CYP19A1: variants seen among roughly 807,000 people sequenced by gnomAD.
CYP19A1 encodes the protein aromatase.
CYP19A1 carries 32 observed loss-of-function variants against 44.4 expected under a neutral mutation model. The ratio of observed to expected loss-of-function variants is 0.72; its 90% confidence interval spans 0.54 to 0.97. The LOEUF is 0.97. Among genes scored for constraint, CYP19A1 ranks in the 50% least tolerant of loss-of-function variants. The pLI is 0.00. For synonymous variants in CYP19A1, 212 were observed against 215.6 expected (o/e 0.98, Z 0.14); for missense variants, 598 against 637.8 (o/e 0.94, Z 0.67).
intron 1 of CYP19A1, among the ~76,000 whole-genome samples, chr15:51,299,013 A>G (rs951652812): frequency 6.6e-6 from 1 of 152,218 alleles, no homozygotes; most frequent in African/African-American, 2.4e-5. Flanking sequence ...CCCATGCTCC[A>G]TGAAGTTTTG....
intron 3 of CYP19A1, among the ~76,000 whole-genome samples, chr15:51,232,409 C>T (rs142096092): frequency 6.6e-6 from 1 of 152,184 alleles, no homozygotes; most frequent in East Asian, 1.9e-4. Context: ...TTTCTCTTCT[C>T]GGTCTAGCTG....
chr15:51,331,266 G>A (rs982124612), intron 1 of CYP19A1, among the ~76,000 whole-genome samples: 9 of 152,156 alleles, frequency 5.9e-5, no homozygotes, highest in Non-Finnish European at 1.3e-4. Context: ...CTGAACACCC[G>A]AGGCCTTCCT....
At chr15:51,233,510 G>T (rs2033180094) in intron 3 of CYP19A1, among the ~76,000 whole-genome samples, 1 of 152,198 alleles carries the variant, frequency 6.6e-6, no homozygotes, top group Non-Finnish European at 1.5e-5. Context: ...TTTAATGGAT[G>T]AAGAGCCAAT....
intron 1 of CYP19A1, chr15:51,337,907 G>C (rs1157207691): frequency 1.3e-5 from 2 of 152,450 alleles, no homozygotes; most frequent in African/African-American, 4.8e-5. Flanking sequence ...TGACAGTGGA[G>C]TCTGGTAGGA....
At chr15:51,305,724 C>A (rs2036203651) in intron 1 of CYP19A1, among the ~76,000 whole-genome samples, 1 of 152,040 alleles carries the variant, frequency 6.6e-6, no homozygotes, top group African/African-American at 2.4e-5. Context: ...CCACACTGGG[C>A]TAATTTTTGT....
intron 1 of CYP19A1, among the ~76,000 whole-genome samples, chr15:51,268,972 A>G (rs1423277672): frequency 6.6e-6 from 1 of 152,092 alleles, no homozygotes; most frequent in Non-Finnish European, 1.5e-5. Context: ...GTTGTTTTGA[A>G]TACTTTATCT....
At chr15:51,288,355 C>G (rs1309333834) in intron 1 of CYP19A1, among the ~76,000 whole-genome samples, 3 of 152,156 alleles carry the variant, frequency 2.0e-5, no homozygotes, top group East Asian at 1.9e-4. Flanking sequence ...CCGCCCACCC[C>G]CCATAGTCCA....
intron 1 of CYP19A1, among the ~76,000 whole-genome samples, chr15:51,251,214 T>C (rs546481879): frequency 6.6e-6 from 1 of 152,240 alleles, no homozygotes; most frequent in South Asian, 2.1e-4. Flanking sequence ...CACATGGAGT[T>C]GTGGGATTCC....
At chr15:51,250,559 TC>T (rs1468129536) in intron 1 of CYP19A1, among the ~76,000 whole-genome samples, 1 of 152,212 alleles carries the variant, frequency 6.6e-6, no homozygotes, top group Non-Finnish European at 1.5e-5. Flanking sequence ...GAGAAGTTTT[TC>T]TGAAACACAG....
At chr15:51,305,072 G>A (rs942712619) in intron 1 of CYP19A1, among the ~76,000 whole-genome samples, 1 of 151,662 alleles carries the variant, frequency 6.6e-6, no homozygotes, top group African/African-American at 2.4e-5. Context: ...GCTAATTTTT[G>A]TATTTTTAGT....
intron 1 of CYP19A1, among the ~76,000 whole-genome samples, chr15:51,305,832 G>A (rs1479771684): frequency 3.9e-5 from 6 of 152,018 alleles, no homozygotes; most frequent in Non-Finnish European, 7.4e-5. Flanking sequence ...AAGTGTTGGG[G>A]TTACAAGCAT....
At chr15:51,292,506 C>T (rs2035870474) in intron 1 of CYP19A1, among the ~76,000 whole-genome samples, 1 of 152,250 alleles carries the variant, frequency 6.6e-6, no homozygotes, top group Admixed American at 6.5e-5. Context: ...TTTTCGCAAA[C>T]TGGCAATCAT....
chr15:51,337,475 G>T (rs2036795378), intron 1 of CYP19A1, among the ~76,000 whole-genome samples: 1 of 152,172 alleles, frequency 6.6e-6, no homozygotes, highest in Non-Finnish European at 1.5e-5. Context: ...TCTCTTTAAA[G>T]AACTTGAGTA....
At chr15:51,277,098 T>C (rs1480060580) in intron 1 of CYP19A1, 1 of 152,204 alleles carries the variant, frequency 6.6e-6, no homozygotes, top group Non-Finnish European at 1.5e-5. Context: ...CAAGCAGTTC[T>C]TATAAAAAAT....
At chr15:51,304,891 T>A (rs535411395) in intron 1 of CYP19A1, among the ~76,000 whole-genome samples, 4,374 of 108,274 alleles carry the variant, frequency 0.04, 101 homozygotes, top group South Asian at 0.077. Flanking sequence ...TGTCTCTTCC[T>A]TTTTTTTTTT....
chr15:51,318,828 C>T (rs1361322068), intron 1 of CYP19A1: 1 of 152,230 alleles, frequency 6.6e-6, no homozygotes, highest in Non-Finnish European at 1.5e-5. Context: ...AATCTTCTCT[C>T]ATTACCAGCA....
intron 1 of CYP19A1, among the ~76,000 whole-genome samples, chr15:51,292,288 T>A (rs937541964): frequency 2.0e-5 from 3 of 152,110 alleles, no homozygotes; most frequent in African/African-American, 7.2e-5. Flanking sequence ...GTGGCAACCG[T>A]TTTATAATGT....
At chr15:51,299,176 G>A (rs557804034) in intron 1 of CYP19A1, among the ~76,000 whole-genome samples, 7 of 152,310 alleles carry the variant, frequency 4.6e-5, no homozygotes, top group Admixed American at 3.9e-4. Flanking sequence ...TGGGCTTCTT[G>A]CCACCACCAG....
In CYP19A1 at chr15:51,218,476, A is replaced by G. The variant is rs975977595; in HGVS notation, c.743+65T>C. On this transcript the variant is annotated intron_variant, in intron 6 of 9. Coordinates refer to ENST00000396402, the MANE Select transcript of CYP19A1 (RefSeq NM_000103.4). ...TACCTGAGAGGCCAAGAAAAACAGC[A>G]AAGACACAAGGGAAAAAAACCAATC... 7.1e-6 allele frequency: 11 copies of G among 1,552,228 alleles called. No homozygotes were observed. The African/African-American group carries it at 1.5e-4, about 21-fold the overall frequency.
Sources: allele counts gnomAD v4.1 joint callset (sites outside exome capture counted in the v4.1 genomes callset), GRCh38; gene constraint gnomAD v4.1.1; transcripts MANE v1.5; gene names NCBI Gene and HGNC (gene_info 2026-07-23, HGNC 2026-07-21).